Variants in ARL5B observed in about 807,000 individuals in gnomAD.
ARL5B encodes ADP-ribosylation factor-like protein 5B.
Under a neutral mutation model 26.9 loss-of-function variants are expected in ARL5B, and 10 were observed. The observed-to-expected ratio is 0.37, with a 90% CI of 0.23 to 0.63. ARL5B has a LOEUF of 0.63. Among genes scored for constraint, ARL5B ranks in the 30% least tolerant of loss-of-function variants. The probability of loss-of-function intolerance (pLI) is 0.62; values close to 1 mark genes in which losing one functional copy is unlikely to be tolerated. For synonymous variants in ARL5B, 87 were observed against 70.4 expected (o/e 1.24, Z -1.18); for missense variants, 167 against 213.9 (o/e 0.78, Z 1.37).
intron 1 of ARL5B, among the ~76,000 whole-genome samples, chr10:18,664,640 G>C (rs369320143): frequency 6.4e-4 from 96 of 150,744 alleles, no homozygotes; most frequent in African/African-American, 2.2e-3. Context: ...GGGTTTCACC[G>C]TGTTAGCCAG....
intron 3 of ARL5B, among the ~76,000 whole-genome samples, chr10:18,670,598 C>G (rs1018247590): frequency 6.6e-6 from 1 of 151,936 alleles, no homozygotes; most frequent in Non-Finnish European, 1.5e-5. Context: ...GTGGCAGAGT[C>G]TCGCTCTCTC....
chr10:18,672,757 G>T (rs568993127), intron 4 of ARL5B, 52 bp downstream of exon 4: 2 of 1,335,860 alleles, frequency 1.5e-6, no homozygotes, highest in Admixed American at 3.9e-5. Flanking sequence ...GTATCTGTAC[G>T]TTGCCTTTGC....
At chr10:18,671,767 G>A (rs1428999968) in intron 3 of ARL5B, among the ~76,000 whole-genome samples, 1 of 151,124 alleles carries the variant, frequency 6.6e-6, no homozygotes, top group Non-Finnish European at 1.5e-5. Context: ...TAGGCTCAAA[G>A]CAGTCCTCCC....
rs999465237 is a variant in ARL5B at position 18,665,486 on chromosome 10, AT to A, written c.47-1087del. ...AGGCTGTATCTAGAGTGTGTAGGTC[AT>A]TGGAAGACCTGCACATCTCAAGAAC... On this transcript the variant is annotated intron_variant, in intron 1 of 5. Coordinates refer to ENST00000377275, the MANE Select transcript of ARL5B (RefSeq NM_178815.5). Among the ~76,000 whole-genome samples the A allele has an allele frequency of 7.8e-4, 118 of 152,176 alleles. 2 individuals are homozygous for A. The highest frequency in any genetic ancestry group is 2.7e-3 in the African/African-American group (110 of 41,506).
chr10:18,659,582 C>G lies in ARL5B; in HGVS notation c.-56C>G. The G allele has an allele frequency of 6.4e-7, 1 of 1,558,120 alleles. No individual in the cohort carries two copies. Among genetic ancestry groups the G allele is most frequent in the Non-Finnish European group, 8.7e-7 (1 of 1,154,164 alleles). Reference sequence around the variant, plus strand: ...GCGCAGCCCGCGCCGCGGTGGGGGACCCGGCGCAGCGGCACCTGCTGCCGA... The same window carrying G: ...GCGCAGCCCGCGCCGCGGTGGGGGAGCCGGCGCAGCGGCACCTGCTGCCGA... On this transcript the variant is annotated 5_prime_UTR_variant, in exon 1 of 6. Coordinates refer to ENST00000377275, the MANE Select transcript of ARL5B (RefSeq NM_178815.5).
chr10:18,675,206 G>T lies in ARL5B; in HGVS notation c.530G>T (p.Gly177Val). Reference sequence around the variant, plus strand: ...CTAGAGTGGATGACCTCCCGGATTGGTGTGAGATAACTTTTTTGCTTGAAA... The same window carrying T: ...CTAGAGTGGATGACCTCCCGGATTGTTGTGAGATAACTTTTTTGCTTGAAA... ...QGLEWMTSRI[G>V]VR The change falls in exon 6 of 6, where the codon GGT (glycine) becomes GTT (valine). Residue 177 changes from glycine (G) to valine (V), a missense_variant. Gly to Val is a moderately radical substitution (Grantham distance 109). Coordinates refer to ENST00000377275, the MANE Select transcript of ARL5B (RefSeq NM_178815.5). 1 of 1,613,354 alleles carries T rather than the reference G, an allele frequency of 6.2e-7. No individual in the cohort carries two copies. The highest frequency in any genetic ancestry group is 8.5e-7 in the Non-Finnish European group (1 of 1,179,416).
intron 2 of ARL5B, 113 bp downstream of exon 2, chr10:18,666,748 GT>G (rs1564864592): frequency 8.2e-6 from 7 of 848,676 alleles, no homozygotes; most frequent in Non-Finnish European, 1.0e-5. Context: ...TATGTTTTTT[GT>G]TTTTTGTTTT....
chr10:18,669,058 C>T lies in ARL5B; in HGVS notation c.255+381C>T, dbSNP rs564089688. Among the ~76,000 whole-genome samples the T allele has an allele frequency of 3.3e-5, 5 of 152,176 alleles. No individual in the cohort carries two copies. The East Asian group carries it at 7.7e-4, about 24-fold the overall frequency. On this transcript the variant is annotated intron_variant, in intron 3 of 5. Coordinates refer to ENST00000377275, the MANE Select transcript of ARL5B (RefSeq NM_178815.5). ...TGCTGGGATTACAGGCTTGAGCCACCGTGGCCGGCCTTTTAATAAGATCCT... is the reference window on the plus strand; with the variant it reads ...TGCTGGGATTACAGGCTTGAGCCACTGTGGCCGGCCTTTTAATAAGATCCT...
rs377067185 is a variant in ARL5B at position 18,666,600 on chromosome 10, G to T, written c.72G>T (p.Leu24=). Reference sequence around the variant, plus strand: ...AACACAAAGTAATTATAGTGGGACTGGATAATGCAGGGAAAACCACCATTC... The same window carrying T: ...AACACAAAGTAATTATAGTGGGACTTGATAATGCAGGGAAAACCACCATTC... The part of the protein sequence containing the change: ...NQEHKVIIVG[L]DNAGKTTILY... Residue 24 remains leucine (L), a synonymous_variant, in exon 2 of 6, where the codon CTG becomes CTT. Coordinates refer to ENST00000377275, the MANE Select transcript of ARL5B (RefSeq NM_178815.5). 1 of 1,609,684 alleles carries T rather than the reference G, an allele frequency of 6.2e-7. No homozygotes were observed. Among genetic ancestry groups the T allele is most frequent in the Admixed American group, 1.7e-5 (1 of 59,168 alleles).
chr10:18,667,201 TA>T (rs2059865219), intron 2 of ARL5B, among the ~76,000 whole-genome samples: 1 of 152,234 alleles, frequency 6.6e-6, no homozygotes. Context: ...ATGATAGTAT[TA>T]AGCAGTAGAA....
intron 3 of ARL5B, among the ~76,000 whole-genome samples, chr10:18,671,516 A>T (rs2059886726): frequency 6.6e-6 from 1 of 152,012 alleles, no homozygotes; most frequent in African/African-American, 2.4e-5. Flanking sequence ...TCTACCCTTC[A>T]TGTCTCAGTT....
At chr10:18,662,750 C>T (rs1234972087) in intron 1 of ARL5B, among the ~76,000 whole-genome samples, 1 of 151,176 alleles carries the variant, frequency 6.6e-6, no homozygotes, top group Non-Finnish European at 1.5e-5. Context: ...GTCACCCAGG[C>T]TGGAGTGCAG....
At chr10:18,670,979 C>T (rs1404507252) in intron 3 of ARL5B, among the ~76,000 whole-genome samples, 1 of 152,100 alleles carries the variant, frequency 6.6e-6, no homozygotes, top group African/African-American at 2.4e-5. Flanking sequence ...GGAAGAGTCC[C>T]CCAAAAGCGG....
chr10:18,666,705 AT>A, intron 2 of ARL5B, 70 bp downstream of exon 2: 1 of 1,268,510 alleles, frequency 7.9e-7, no homozygotes, highest in African/African-American at 1.5e-5. Context: ...TTAATAAGAG[AT>A]GCATTATAAT....
chr10:18,664,175 A>T (rs1285881168), intron 1 of ARL5B, among the ~76,000 whole-genome samples: 1 of 151,528 alleles, frequency 6.6e-6, no homozygotes, highest in Non-Finnish European at 1.5e-5. Flanking sequence ...GTTGGTCTTG[A>T]ACTCCTGACC....
chr10:18,663,885 G>C (rs904979781), intron 1 of ARL5B, among the ~76,000 whole-genome samples: 1 of 151,814 alleles, frequency 6.6e-6, no homozygotes, highest in Admixed American at 6.6e-5. Context: ...CTGTAAGCAG[G>C]TTTCAAACAC....
At chr10:18,660,231 T>A (rs1329407936) in intron 1 of ARL5B, among the ~76,000 whole-genome samples, 1 of 152,088 alleles carries the variant, frequency 6.6e-6, no homozygotes, top group Admixed American at 6.6e-5. Flanking sequence ...CTTTTTTTTT[T>A]AAAGCATTTA....
intron 1 of ARL5B, among the ~76,000 whole-genome samples, chr10:18,661,124 C>T (rs1489974499): frequency 6.6e-6 from 1 of 152,222 alleles, no homozygotes; most frequent in Non-Finnish European, 1.5e-5. Flanking sequence ...GCTGGAATTA[C>T]AGGTGTGAGC....
Position 18,676,892 on chromosome 10 carries a change from T to A in ARL5B, c.*1676T>A, listed in dbSNP as rs995002084. The A allele has an allele frequency of 6.6e-6, 1 of 152,344 alleles. No individual in the cohort carries two copies. The highest frequency in any genetic ancestry group is 2.4e-5 in the African/African-American group (1 of 41,418). The allele number at this position is 152,344 out of a possible 1,614,324, so 9.4% of individuals were successfully genotyped here. On this transcript the variant is annotated 3_prime_UTR_variant, in exon 6 of 6. Coordinates refer to ENST00000377275, the MANE Select transcript of ARL5B (RefSeq NM_178815.5). The stretch of plus-strand genomic sequence containing the variant: ...AGCTTTCTGGGCTTTGGAAAGTAGT[T>A]GTTTAACTTTGTTTTAAGCCGTTTT...
Sources: allele counts gnomAD v4.1 joint callset (sites outside exome capture counted in the v4.1 genomes callset), GRCh38; gene constraint gnomAD v4.1.1; transcripts MANE v1.5; gene names NCBI Gene and HGNC (gene_info 2026-07-23, HGNC 2026-07-21).